Variants in FER observed in about 807,000 individuals in gnomAD.
FER encodes FER tyrosine kinase.
A neutral mutation model predicts 111.0 loss-of-function variants in FER; 63 were observed. The ratio of observed to expected loss-of-function variants is 0.57; its 90% CI spans 0.46 to 0.70. FER has a LOEUF of 0.70. Ranked by LOEUF, FER falls within the 30% of genes least tolerant of loss-of-function variation. FER has a pLI of 0.00. For synonymous variants in FER, 327 were observed against 313.9 expected, an observed-to-expected ratio of 1.04 and a Z score of -0.44; for missense variants, 914 against 954.0, an observed-to-expected ratio of 0.96 and a Z score of 0.55.
At chr5:108,748,280 G>C (rs1423205113) in intron 1 of FER, 2 of 152,280 alleles carry the variant, frequency 1.3e-5, no homozygotes, top group East Asian at 3.8e-4. Flanking sequence ...TTTAGGGGTG[G>C]GGGCCTCGCG....
At chr5:108,845,043 T>TATATATATATATATATATAC (rs1761855518) in intron 5 of FER, among the ~76,000 whole-genome samples, 11 of 29,330 alleles carry the variant, frequency 3.8e-4, no homozygotes, top group South Asian at 2.7e-3. Context: ...TATATATACA[T>TATATATATATATATATATAC]ATATATATAT....
chr5:108,939,256 A>T (rs1318791498), intron 10 of FER, among the ~76,000 whole-genome samples: 19 of 152,080 alleles, frequency 1.2e-4, no homozygotes, highest in African/African-American at 4.3e-4. Context: ...TTCTTTTCCT[A>T]TTAAAATTAA....
intron 16 of FER, among the ~76,000 whole-genome samples, chr5:109,062,848 A>G (rs1197655035): frequency 2.0e-5 from 3 of 152,126 alleles, no homozygotes; most frequent in Non-Finnish European, 4.4e-5. Flanking sequence ...TAAATGTTAT[A>G]TTATCTGGTA....
intron 16 of FER, among the ~76,000 whole-genome samples, chr5:109,062,292 G>A (rs993301818): frequency 3.3e-5 from 5 of 152,102 alleles, no homozygotes; most frequent in African/African-American, 1.2e-4. Flanking sequence ...GGCAGCCAAG[G>A]TGGGGTCGAT....
At chr5:108,822,196 G>A (rs1014445095) in intron 3 of FER, among the ~76,000 whole-genome samples, 1 of 151,856 alleles carries the variant, frequency 6.6e-6, no homozygotes, top group Non-Finnish European at 1.5e-5. Context: ...TTTTATGATT[G>A]AATAATATTC....
At chr5:109,073,304 C>G (rs1410184990) in intron 16 of FER, among the ~76,000 whole-genome samples, 20 of 152,130 alleles carry the variant, frequency 1.3e-4, no homozygotes, top group Admixed American at 1.3e-3. Context: ...AGGAGCTACA[C>G]TGTCCAATCT....
At chr5:108,851,215 C>T (rs568954212) in intron 5 of FER, among the ~76,000 whole-genome samples, 1 of 152,266 alleles carries the variant, frequency 6.6e-6, no homozygotes, top group African/African-American at 2.4e-5. Context: ...TTCCATATGA[C>T]TAGGGAGGCC....
chr5:108,859,995 G>T (rs1031490250), intron 5 of FER, among the ~76,000 whole-genome samples: 8 of 150,832 alleles, frequency 5.3e-5, no homozygotes, highest in Non-Finnish European at 1.2e-4. Flanking sequence ...AGGCTGGAGT[G>T]CAGTTGTGCG....
chr5:108,929,190 A>G (rs572563052), intron 10 of FER, among the ~76,000 whole-genome samples: 3 of 152,258 alleles, frequency 2.0e-5, no homozygotes, highest in Non-Finnish European at 2.9e-5. Context: ...ATCCTGCAGT[A>G]ATTAGTAAAA....
chr5:108,882,875 T>G (rs1765815600), intron 8 of FER, among the ~76,000 whole-genome samples: 1 of 151,818 alleles, frequency 6.6e-6, no homozygotes, highest in African/African-American at 2.4e-5. Flanking sequence ...TTCAATTCTA[T>G]ACAGAAAATA....
chr5:109,063,148 T>A (rs1216444675), intron 16 of FER, among the ~76,000 whole-genome samples: 2 of 152,240 alleles, frequency 1.3e-5, no homozygotes, highest in Non-Finnish European at 2.9e-5. Context: ...TATAAATCTT[T>A]CAATTGTCAA....
At position 108,917,818 on chromosome 5, in the gene FER, C is replaced by A. The variant is rs1752460769; in HGVS notation, c.1236+19970C>A. On this transcript the variant is annotated intron_variant, in intron 10 of 19. Transcript: ENST00000281092. ...ATGCCAAGGAGCATGATGTCACCAA[C>A]TCTTGGTAATCAGGCTTTTGTTTTA... Among the ~76,000 whole-genome samples the A allele has an allele frequency of 3.9e-5, 6 of 152,344 alleles. No homozygotes were observed. The South Asian group carries it at 1.0e-3, about 26-fold the overall frequency.
intron 13 of FER, among the ~76,000 whole-genome samples, chr5:108,978,498 A>G (rs542918447): frequency 1.5e-4 from 23 of 152,344 alleles, no homozygotes; most frequent in African/African-American, 5.5e-4. Flanking sequence ...CTACCAGTTC[A>G]TATTAAGTCC....
chr5:108,891,894 TATGAGTGAGAAC>T, intron 9 of FER, among the ~76,000 whole-genome samples: 1 of 152,284 alleles, frequency 6.6e-6, no homozygotes, highest in South Asian at 2.1e-4. Flanking sequence ...AATTCCCACC[TATGAGTGAGAAC>T]ATGCGGTGTT....
chr5:108,905,465 A>G (rs1373133586), intron 10 of FER, among the ~76,000 whole-genome samples: 1 of 152,188 alleles, frequency 6.6e-6, no homozygotes, highest in Non-Finnish European at 1.5e-5. Context: ...AAAGTTAGGT[A>G]AGAATTAAAT....
intron 19 of FER, 131 bp from the exon 20 acceptor site, chr5:109,187,302 G>T: frequency 1.1e-6 from 1 of 901,038 alleles, no homozygotes; most frequent in South Asian, 2.0e-5. Flanking sequence ...AGCCTCCCCA[G>T]AAATGGATGT....
At chr5:108,763,722 T>C (rs1183617992) in intron 1 of FER, among the ~76,000 whole-genome samples, 1 of 152,190 alleles carries the variant, frequency 6.6e-6, no homozygotes, top group Non-Finnish European at 1.5e-5. Context: ...TTGTAGTACA[T>C]TTTGGTCAGA....
intron 16 of FER, among the ~76,000 whole-genome samples, chr5:109,081,358 T>C (rs770792886): frequency 1.3e-5 from 2 of 152,084 alleles, no homozygotes; most frequent in Non-Finnish European, 2.9e-5. Flanking sequence ...GTTACTTTAA[T>C]CTTATCTTTT....
intron 5 of FER, among the ~76,000 whole-genome samples, chr5:108,846,371 A>T (rs10035944): frequency 0.22 from 34,093 of 151,800 alleles, 4,026 homozygotes; most frequent in African/African-American, 0.28. Flanking sequence ...GCCTAGGAGT[A>T]CGAAGTTATA....
Sources: allele counts gnomAD v4.1 joint callset (sites outside exome capture counted in the v4.1 genomes callset), GRCh38; gene constraint gnomAD v4.1.1; transcripts MANE v1.5; gene names NCBI Gene and HGNC (gene_info 2026-07-23, HGNC 2026-07-21).